TENM3: variants seen among roughly 807,000 people sequenced by gnomAD.
TENM3 encodes teneurin-3.
Under a neutral mutation model 255.1 loss-of-function variants are expected in TENM3, and 63 were observed. The ratio of observed to expected loss-of-function variants is 0.25; its 90% CI spans 0.20 to 0.30. The LOEUF (loss-of-function observed/expected upper bound fraction) is 0.30. Ranked by LOEUF, TENM3 falls within the 10% of genes least tolerant of loss-of-function variation. The pLI is 1.00. For missense variants in TENM3, 2,929 were observed against 3,461.1 expected, an observed-to-expected ratio of 0.85 and a Z score of 3.86; for synonymous variants, 1,306 against 1,322.3, an observed-to-expected ratio of 0.99 and a Z score of 0.27.
chr4:181,653,679 G>C, the TENM3 span, among the ~76,000 whole-genome samples: 2 of 150,090 alleles, frequency 1.3e-5, no homozygotes, highest in South Asian at 2.1e-4. Flanking sequence ...GATTACAGGC[G>C]TGCATGAGCC....
the TENM3 span, among the ~76,000 whole-genome samples, chr4:181,610,912 T>C: frequency 6.6e-6 from 1 of 152,130 alleles, no homozygotes; most frequent in African/African-American, 2.4e-5. Flanking sequence ...ATTGTTTAGT[T>C]TTTCTACTAA....
At chr4:181,844,675 T>TA in the TENM3 span, among the ~76,000 whole-genome samples, 1 of 147,720 alleles carries the variant, frequency 6.8e-6, no homozygotes, top group African/African-American at 2.5e-5. Context: ...CTCAAAAAAA[T>TA]AAAATAAAAT....
At chr4:181,862,747 C>A in the TENM3 span, among the ~76,000 whole-genome samples, 2 of 152,050 alleles carry the variant, frequency 1.3e-5, no homozygotes, top group African/African-American at 2.4e-5. Flanking sequence ...CTTCTATTAT[C>A]GTTCCTCAAT....
At chr4:181,883,507 G>C in the TENM3 span, among the ~76,000 whole-genome samples, 2 of 152,116 alleles carry the variant, frequency 1.3e-5, no homozygotes, top group African/African-American at 2.4e-5. Flanking sequence ...GTCTCGCTCT[G>C]TCTGTCGCCC....
chr4:181,929,824 A>AAACT, the TENM3 span, among the ~76,000 whole-genome samples: 1 of 151,824 alleles, frequency 6.6e-6, no homozygotes, highest in East Asian at 1.9e-4. Context: ...AAATCATAAC[A>AAACT]GTCTCTCAGA....
At chr4:181,748,834 G>C in the TENM3 span, among the ~76,000 whole-genome samples, 1 of 152,002 alleles carries the variant, frequency 6.6e-6, no homozygotes, top group East Asian at 1.9e-4. Flanking sequence ...AGGAGGCCGA[G>C]GGCCAGGTGT....
chr4:181,590,803 T>C, the TENM3 span, among the ~76,000 whole-genome samples: 1 of 152,230 alleles, frequency 6.6e-6, no homozygotes, highest in East Asian at 1.9e-4. Context: ...AAAGATTATT[T>C]ATGTGGGGTG....
intron 1 of TENM3, among the ~76,000 whole-genome samples, chr4:182,247,464 G>A (rs980816382): frequency 3.9e-5 from 6 of 152,228 alleles, no homozygotes; most frequent in African/African-American, 1.4e-4. Flanking sequence ...TTAGAAGGAA[G>A]CACTTTAACC....
chr4:182,723,339 T>G (rs1759902731), intron 13 of TENM3, among the ~76,000 whole-genome samples: 1 of 152,254 alleles, frequency 6.6e-6, no homozygotes, highest in Non-Finnish European at 1.5e-5. Context: ...ACCTGTATAC[T>G]TTTAAAATTC....
At chr4:181,706,345 G>C in the TENM3 span, among the ~76,000 whole-genome samples, 2 of 152,098 alleles carry the variant, frequency 1.3e-5, no homozygotes. Context: ...AGGGGCGGTG[G>C]GTGCTAGGGC....
intron 3 of TENM3, among the ~76,000 whole-genome samples, chr4:182,424,652 A>G (rs1771074571): frequency 6.6e-6 from 1 of 152,128 alleles, no homozygotes; most frequent in African/African-American, 2.4e-5. Flanking sequence ...TCTGCCTAAA[A>G]CGAACTAAAT....
chr4:182,623,745 C>T (rs1303277670), intron 4 of TENM3, among the ~76,000 whole-genome samples: 2 of 152,108 alleles, frequency 1.3e-5, no homozygotes, highest in African/African-American at 4.8e-5. Flanking sequence ...TCTGGTGTTA[C>T]ACTCTTCTCC....
intron 3 of TENM3, among the ~76,000 whole-genome samples, chr4:182,489,244 T>C (rs1735043653): frequency 1.4e-5 from 2 of 143,218 alleles, no homozygotes; most frequent in Admixed American, 1.4e-4. Context: ...TATAATGTGC[T>C]CTAATAAAGG....
chr4:181,764,005 T>G, the TENM3 span, among the ~76,000 whole-genome samples: 1 of 152,176 alleles, frequency 6.6e-6, no homozygotes, highest in Non-Finnish European at 1.5e-5. Flanking sequence ...AAAATATAAA[T>G]GAGTAATTTT....
intron 1 of TENM3, among the ~76,000 whole-genome samples, chr4:182,263,257 A>G (rs1230468615): frequency 6.6e-6 from 1 of 152,094 alleles, no homozygotes; most frequent in African/African-American, 2.4e-5. Context: ...TGATTGGGTG[A>G]CAGTGGATAA....
At chr4:182,584,346 G>A (rs1745796944) in intron 3 of TENM3, among the ~76,000 whole-genome samples, 1 of 152,164 alleles carries the variant, frequency 6.6e-6, no homozygotes, top group Non-Finnish European at 1.5e-5. Flanking sequence ...TGAAGTAAAT[G>A]CCATAAAACA....
intron 1 of TENM3, among the ~76,000 whole-genome samples, chr4:182,206,502 C>T (rs1386511490): frequency 6.6e-6 from 1 of 152,144 alleles, no homozygotes; most frequent in African/African-American, 2.4e-5. Context: ...TGAATGCCTT[C>T]GCCCTACCCG....
intron 12 of TENM3, among the ~76,000 whole-genome samples, chr4:182,691,194 T>C (rs1756981476): frequency 6.6e-6 from 1 of 152,258 alleles, no homozygotes. Context: ...CTCTGGTGTG[T>C]TTTCTCACTT....
intron 6 of TENM3, among the ~76,000 whole-genome samples, chr4:182,655,444 A>C (rs983364683): frequency 6.6e-6 from 1 of 152,142 alleles, no homozygotes; most frequent in Non-Finnish European, 1.5e-5. Flanking sequence ...CATGATACTG[A>C]GAAAGCTGTG....
Sources: gnomAD v4.1 joint callset for allele counts (sites outside exome capture counted in the v4.1 genomes callset) on GRCh38, gnomAD v4.1.1 for gene constraint, MANE v1.5 for transcripts, NCBI Gene and HGNC (gene_info 2026-07-23, HGNC 2026-07-21) for gene names.